KLHL1: variants seen among roughly 807,000 people sequenced by gnomAD.
KLHL1 encodes kelch like family member 1.
KLHL1 carries 47 observed loss-of-function variants against 77.7 expected under a neutral mutation model. The ratio of observed to expected loss-of-function variants is 0.60; its 90% CI spans 0.48 to 0.77. KLHL1 has a LOEUF of 0.77. KLHL1 is among the 30% of genes least tolerant of loss of function. KLHL1 has a pLI of 0.00. For missense variants in KLHL1, 925 were observed against 910.8 expected (o/e 1.02, Z -0.20); for synonymous variants, 360 against 325.2 (o/e 1.11, Z -1.15).
In KLHL1 at chr13:70,107,329, G is replaced by A. The variant is rs1315912891; in HGVS notation, c.371C>T (p.Ser124Leu). 3 of 1,614,124 alleles carry A rather than the reference G, an allele frequency of 1.9e-6. No individual in the cohort carries two copies. The highest frequency in any genetic ancestry group is 1.1e-5 in the South Asian group (1 of 91,092). ...GCCTGGCACCACCTCCTCCTCTAGT[G>A]ACTCCACGTAGAAGAGAGTCCTGGC... The part of the protein sequence containing the change: ...QPARTLFYVE[S>L]LEEEVVPGMD... The change falls in exon 1 of 11, where the codon TCA becomes TTA. Residue 124 changes from serine (S) to leucine (L), a missense_variant. Ser to Leu is a moderately radical substitution (Grantham distance 145). Coordinates refer to ENST00000377844, the MANE Select transcript of KLHL1 (RefSeq NM_020866.3).
intron 5 of KLHL1, among the ~76,000 whole-genome samples, chr13:69,840,792 T>G (rs999312395): frequency 1.3e-5 from 2 of 151,586 alleles, no homozygotes; most frequent in Non-Finnish European, 2.9e-5. Context: ...TAAATTTTTT[T>G]TTTTTTATTC....
At chr13:69,904,678 G>C (rs1396470786) in intron 4 of KLHL1, among the ~76,000 whole-genome samples, 1 of 152,110 alleles carries the variant, frequency 6.6e-6, no homozygotes, top group Non-Finnish European at 1.5e-5. Flanking sequence ...GACAATTTAA[G>C]TAAATAATAC....
intron 4 of KLHL1, among the ~76,000 whole-genome samples, chr13:69,936,119 C>T (rs1311097920): frequency 1.3e-5 from 2 of 152,078 alleles, no homozygotes; most frequent in Non-Finnish European, 2.9e-5. Context: ...GAACTAGAAA[C>T]AGGGAGAGAT....
chr13:69,893,590 C>G (rs1593924528), intron 4 of KLHL1, among the ~76,000 whole-genome samples: 1 of 152,298 alleles, frequency 6.6e-6, no homozygotes, highest in African/African-American at 2.4e-5. Flanking sequence ...TAATGTATCT[C>G]TTAGCAAACA....
intron 8 of KLHL1, among the ~76,000 whole-genome samples, chr13:69,724,866 T>C (rs1873226445): frequency 6.6e-6 from 1 of 152,140 alleles, no homozygotes; most frequent in Admixed American, 6.6e-5. Context: ...AGATGCTATA[T>C]ATTAAACCAA....
chr13:70,082,311 T>TCACA (rs4053611), intron 1 of KLHL1, among the ~76,000 whole-genome samples: 2,121 of 110,982 alleles, frequency 0.019, 44 homozygotes, highest in Non-Finnish European at 0.027. Flanking sequence ...CTTGGACCTG[T>TCACA]CACACACACA....
intron 7 of KLHL1, among the ~76,000 whole-genome samples, chr13:69,771,698 T>C (rs985343908): frequency 2.0e-5 from 3 of 152,180 alleles, no homozygotes; most frequent in African/African-American, 7.2e-5. Context: ...TGTGGGTGCA[T>C]AGTTTTTAGA....
chr13:69,857,041 T>C lies in KLHL1; in HGVS notation c.1228-17879A>G, dbSNP rs137978695. 3.2e-3 allele frequency among the ~76,000 whole-genome samples: 484 copies of C among 152,178 alleles called. 2 individuals are homozygous for C. The highest frequency in any genetic ancestry group is 0.01 in the African/African-American group (425 of 41,550). On this transcript the variant is annotated intron_variant, in intron 5 of 10. Coordinates refer to ENST00000377844, the MANE Select transcript of KLHL1 (RefSeq NM_020866.3). ...CTTTAATGGCTCCTCCAATGAACAA[T>C]AGTAAATTCCGAACCTGATAGAACA... is the stretch of plus-strand genomic sequence containing the variant.
At chr13:69,702,046 A>G (rs1875417484) in intron 10 of KLHL1, among the ~76,000 whole-genome samples, 1 of 151,768 alleles carries the variant, frequency 6.6e-6, no homozygotes, top group South Asian at 2.1e-4. Context: ...AAAAGTTTCC[A>G]TCAAAGCTCT....
At chr13:69,774,098 T>C (rs1452813962) in intron 7 of KLHL1, among the ~76,000 whole-genome samples, 2 of 151,888 alleles carry the variant, frequency 1.3e-5, no homozygotes, top group Non-Finnish European at 1.5e-5. Context: ...TCCAGTTCAG[T>C]GCTCAAAAGA....
At chr13:69,772,056 A>T (rs1417679558) in intron 7 of KLHL1, among the ~76,000 whole-genome samples, 7 of 152,086 alleles carry the variant, frequency 4.6e-5, no homozygotes, top group African/African-American at 1.7e-4. Context: ...GGTTCAAGCA[A>T]TTATCCTGCC....
chr13:69,835,489 C>G (rs4531607), intron 6 of KLHL1, among the ~76,000 whole-genome samples: 1 of 151,778 alleles, frequency 6.6e-6, no homozygotes, highest in African/African-American at 2.4e-5. Flanking sequence ...AAACACAAGG[C>G]GGGAGAACAA....
At chr13:70,081,468 C>T (rs1440791300) in intron 1 of KLHL1, among the ~76,000 whole-genome samples, 1 of 152,154 alleles carries the variant, frequency 6.6e-6, no homozygotes, top group Admixed American at 6.5e-5. Context: ...AAATTCATTT[C>T]CTTGCTGCTG....
chr13:69,966,747 C>T (rs999275745), intron 2 of KLHL1, among the ~76,000 whole-genome samples: 1 of 151,846 alleles, frequency 6.6e-6, no homozygotes, highest in Non-Finnish European at 1.5e-5. Context: ...CATTTTTTCA[C>T]CTTCCTTCTC....
In KLHL1 at chr13:69,877,456, G is replaced by A. The variant is rs111482548; in HGVS notation, c.1227+4827C>T. 6.3e-3 allele frequency among the ~76,000 whole-genome samples: 955 copies of A among 151,402 alleles called. 12 individuals carry two copies. The highest frequency in any genetic ancestry group is 0.022 in the African/African-American group (897 of 41,118). ...GTAAATCAAATCAGGTATCCTCTAA[G>A]TAAACTATATATATATATTTTTTTT... On this transcript the variant is annotated intron_variant, in intron 5 of 10. Coordinates refer to ENST00000377844, the MANE Select transcript of KLHL1 (RefSeq NM_020866.3).
chr13:70,037,149 C>G (rs1886260190), intron 1 of KLHL1, among the ~76,000 whole-genome samples: 1 of 151,884 alleles, frequency 6.6e-6, no homozygotes, highest in Non-Finnish European at 1.5e-5. Context: ...ATTTTTTGCT[C>G]ATAAATACAT....
intron 5 of KLHL1, among the ~76,000 whole-genome samples, chr13:69,855,367 G>GAGAT (rs1555274252): frequency 0.014 from 1,989 of 137,816 alleles, 33 homozygotes; most frequent in African/African-American, 0.038. Context: ...TAGATACATA[G>GAGAT]AGAGATAGAT....
At chr13:69,802,924 T>C (rs1256219014) in intron 6 of KLHL1, 1 of 152,142 alleles carries the variant, frequency 6.6e-6, no homozygotes, top group Non-Finnish European at 1.5e-5. Flanking sequence ...TTATTTTCTA[T>C]AAAAAGTATT....
rs573479441 is a variant in KLHL1 at position 69,946,105 on chromosome 13, A to T, written c.818-5869T>A. Reference sequence around the variant, plus strand: ...GAAAATAAACACAGACTCTATGATTAACTTCAAAATTCTTGAAAATCCCAA... The same window carrying T: ...GAAAATAAACACAGACTCTATGATTTACTTCAAAATTCTTGAAAATCCCAA... On this transcript the variant is annotated intron_variant, in intron 3 of 10. Transcript: ENST00000377844. Among the ~76,000 whole-genome samples the T allele has an allele frequency of 4.6e-5, 7 of 152,312 alleles. No individual in the cohort carries two copies. In the East Asian group the frequency reaches 1.4e-3, roughly 29 times the overall value.
Sources: allele counts gnomAD v4.1 joint callset (sites outside exome capture counted in the v4.1 genomes callset), GRCh38; gene constraint gnomAD v4.1.1; transcripts MANE v1.5; gene names NCBI Gene and HGNC (gene_info 2026-07-23, HGNC 2026-07-21).